FTO: variants seen among roughly 807,000 people sequenced by gnomAD.
FTO encodes the protein FTO alpha-ketoglutarate dependent dioxygenase.
A neutral mutation model predicts 63.9 loss-of-function variants in FTO; 47 were observed. The ratio of observed to expected loss-of-function variants is 0.74; its 90% CI spans 0.58 to 0.94. FTO has a LOEUF of 0.94. Ranked by LOEUF, FTO falls within the 40% of genes least tolerant of loss-of-function variation. FTO has a pLI of 0.00. For synonymous variants in FTO, 207 were observed against 224.4 expected (o/e 0.92, Z 0.69); for missense variants, 562 against 618.1 (o/e 0.91, Z 0.96).
At chr16:53,923,524 C>T (rs939940022) in intron 7 of FTO, among the ~76,000 whole-genome samples, 1 of 152,170 alleles carries the variant, frequency 6.6e-6, no homozygotes, top group Non-Finnish European at 1.5e-5. Flanking sequence ...GCATTGAAGT[C>T]AACATTTAGT....
At chr16:53,953,345 C>A (rs2082844424) in intron 8 of FTO, among the ~76,000 whole-genome samples, 1 of 152,188 alleles carries the variant, frequency 6.6e-6, no homozygotes, top group African/African-American at 2.4e-5. Flanking sequence ...CATTTTCTTT[C>A]TGGCAGGCTG....
intron 8 of FTO, among the ~76,000 whole-genome samples, chr16:53,950,986 A>G (rs1454015697): frequency 6.6e-6 from 1 of 152,222 alleles, no homozygotes; most frequent in Non-Finnish European, 1.5e-5. Flanking sequence ...CATCTCATTT[A>G]TTATAACGAA....
At chr16:54,073,973 G>A (rs1180208468) in intron 8 of FTO, among the ~76,000 whole-genome samples, 1 of 151,946 alleles carries the variant, frequency 6.6e-6, no homozygotes, top group Admixed American at 6.6e-5. Flanking sequence ...GATTTCCCTT[G>A]GCACTAAATG....
At chr16:54,057,720 ATG>A (rs1293477306) in intron 8 of FTO, among the ~76,000 whole-genome samples, 1 of 152,080 alleles carries the variant, frequency 6.6e-6, no homozygotes, top group Non-Finnish European at 1.5e-5. Context: ...ACCAAAAAAA[ATG>A]AGATTATTTT....
intron 8 of FTO, among the ~76,000 whole-genome samples, chr16:53,968,804 G>A (rs2083252223): frequency 6.6e-6 from 1 of 152,166 alleles, no homozygotes; most frequent in Non-Finnish European, 1.5e-5. Context: ...CAGTGTCCTG[G>A]TGGGATGTTT....
chr16:54,021,794 G>A (rs1405380837), intron 8 of FTO, among the ~76,000 whole-genome samples: 1 of 152,082 alleles, frequency 6.6e-6, no homozygotes, highest in African/African-American at 2.4e-5. Flanking sequence ...GGCTTGGGTG[G>A]TGTGATTCTT....
At chr16:53,949,863 A>C (rs2082729880) in intron 8 of FTO, among the ~76,000 whole-genome samples, 1 of 152,200 alleles carries the variant, frequency 6.6e-6, no homozygotes, top group African/African-American at 2.4e-5. Flanking sequence ...GAGGAAAATT[A>C]AGTGGCAAAC....
At chr16:53,918,161 T>C (rs2081925826) in intron 7 of FTO, among the ~76,000 whole-genome samples, 2 of 152,208 alleles carry the variant, frequency 1.3e-5, no homozygotes, top group South Asian at 2.1e-4. Context: ...GAAAAGATAA[T>C]AGCACAGTCA....
At chr16:54,101,110 G>A (rs1165739952) in intron 8 of FTO, among the ~76,000 whole-genome samples, 2 of 148,888 alleles carry the variant, frequency 1.3e-5, no homozygotes, top group Non-Finnish European at 1.5e-5. Context: ...GAGGAACTGG[G>A]TTTTTTTCTT....
chr16:53,988,598 T>C (rs2083727713), intron 8 of FTO, among the ~76,000 whole-genome samples: 1 of 152,232 alleles, frequency 6.6e-6, no homozygotes, highest in African/African-American at 2.4e-5. Flanking sequence ...TGCCAAGTTG[T>C]ATTCTAAATG....
chr16:53,983,659 G>A lies in FTO; in HGVS notation c.1364+49550G>A, dbSNP rs1385182584. On this transcript the variant is annotated intron_variant, in intron 8 of 8. Transcript: ENST00000471389. ...GTAAGCTCAGATCTCTGCAGAAGCC[G>A]GCAGGTAATGTCAACGAGTGAAGCA... Among the ~76,000 whole-genome samples, 5 of 152,078 alleles carry A rather than the reference G, an allele frequency of 3.3e-5. No homozygotes were observed. In the East Asian group the frequency reaches 9.7e-4, roughly 29 times the overall value.
At chr16:53,805,345 A>C (rs544354941) in intron 1 of FTO, among the ~76,000 whole-genome samples, 1 of 152,256 alleles carries the variant, frequency 6.6e-6, no homozygotes, top group African/African-American at 2.4e-5. Context: ...AAGATATACA[A>C]GCTCAGATAC....
chr16:54,090,105 C>T (rs551845708), intron 8 of FTO, among the ~76,000 whole-genome samples: 7 of 152,262 alleles, frequency 4.6e-5, no homozygotes, highest in African/African-American at 1.7e-4. Flanking sequence ...GCATTATTCA[C>T]AGTGTTCTAA....
At chr16:53,808,999 C>CA (rs1370410969) in intron 1 of FTO, among the ~76,000 whole-genome samples, 1 of 152,138 alleles carries the variant, frequency 6.6e-6, no homozygotes, top group Non-Finnish European at 1.5e-5. Flanking sequence ...ATGCCACGTA[C>CA]ACACGAAAAC....
chr16:53,996,572 AC>A (rs2083936181), intron 8 of FTO, among the ~76,000 whole-genome samples: 1 of 152,116 alleles, frequency 6.6e-6, no homozygotes, highest in Admixed American at 6.6e-5. Flanking sequence ...GTAAACAATT[AC>A]CTGAGAGTAT....
At chr16:54,101,237 A>G (rs2086636966) in intron 8 of FTO, among the ~76,000 whole-genome samples, 1 of 152,000 alleles carries the variant, frequency 6.6e-6, no homozygotes, top group South Asian at 2.1e-4. Context: ...CCGGTTATTA[A>G]GCCCAGTACC....
intron 1 of FTO, among the ~76,000 whole-genome samples, chr16:53,734,301 G>T (rs182998370): frequency 6.6e-6 from 1 of 152,276 alleles, no homozygotes; most frequent in Admixed American, 6.5e-5. Flanking sequence ...TTCTTTAAAG[G>T]AAGTAATTTA....
At chr16:54,110,989 C>T (rs2086870418) in intron 8 of FTO, among the ~76,000 whole-genome samples, 1 of 152,170 alleles carries the variant, frequency 6.6e-6, no homozygotes, top group Admixed American at 6.5e-5. Context: ...TAGATGCCTG[C>T]CAAGGTGTAA....
intron 8 of FTO, among the ~76,000 whole-genome samples, chr16:53,984,508 A>T (rs1299322727): frequency 6.6e-6 from 1 of 151,484 alleles, no homozygotes; most frequent in African/African-American, 2.4e-5. Flanking sequence ...TTTTGCAGAG[A>T]CAGGGTCTTG....
Sources: gnomAD v4.1 joint callset for allele counts (sites outside exome capture counted in the v4.1 genomes callset) on GRCh38, gnomAD v4.1.1 for gene constraint, MANE v1.5 for transcripts, NCBI Gene and HGNC (gene_info 2026-07-23, HGNC 2026-07-21) for gene names.